Variants in STK3 observed in about 807,000 individuals in gnomAD.
The protein encoded by STK3 is serine/threonine-protein kinase 3.
STK3 carries 41 observed loss-of-function variants against 58.0 expected under a neutral mutation model. The observed-to-expected ratio is 0.71, with a 90% CI of 0.55 to 0.92. The LOEUF (loss-of-function observed/expected upper bound fraction) is 0.92. Ranked by LOEUF, STK3 falls within the 40% of genes least tolerant of loss-of-function variation. The probability of loss-of-function intolerance (pLI) is 0.00; values close to 1 mark genes in which losing one functional copy is unlikely to be tolerated. For missense variants in STK3, 479 were observed against 602.7 expected (o/e 0.79, Z 2.15); for synonymous variants, 170 against 191.0 (o/e 0.89, Z 0.91).
intron 1 of STK3, among the ~76,000 whole-genome samples, chr8:98,892,712 G>C (rs1838242004): frequency 6.6e-6 from 1 of 152,118 alleles, no homozygotes; most frequent in Non-Finnish European, 1.5e-5. Flanking sequence ...TTATCCATCT[G>C]ACTCTAATTC....
At chr8:98,564,209 C>A (rs1442542174) in intron 8 of STK3, among the ~76,000 whole-genome samples, 1 of 152,046 alleles carries the variant, frequency 6.6e-6, no homozygotes, top group East Asian at 1.9e-4. Context: ...GGACATTCTA[C>A]AAAATGTCTA....
At chr8:98,446,835 C>T (rs574124042) in intron 1 of STK3, among the ~76,000 whole-genome samples, 23 of 152,056 alleles carry the variant, frequency 1.5e-4, no homozygotes, top group Non-Finnish European at 3.4e-4. Flanking sequence ...ATGGATTCAA[C>T]CTAAATGCCC....
rs374028538 is a variant in STK3, at chr8:98,800,128, G to A, written c.27-25309C>T. ...CGTGGCAGCCATCTTGCCGCTACTC[G>A]CCTTTGGACCCTATATTTTTAACCT... On this transcript the variant is annotated intron_variant, in intron 1 of 10. Transcript: ENST00000419617. The surrounding 1 kb of genome is among the most constrained non-coding windows in gnomAD (Gnocchi z 4.8). 1.9e-3 allele frequency among the ~76,000 whole-genome samples: 293 copies of A among 152,240 alleles called. 1 individual carries two copies. The highest frequency in any genetic ancestry group is 5.3e-3 in the African/African-American group (220 of 41,536).
In STK3 at chr8:98,379,477, A is replaced by G. The variant is rs957496192; in HGVS notation, n.57-270T>C. 5.3e-5 allele frequency among the ~76,000 whole-genome samples: 8 copies of G among 152,338 alleles called. No homozygotes were observed. The South Asian group carries it at 1.5e-3, about 28-fold the overall frequency. ...AATCAGCCAAATGTTGCAGAAACCT[A>G]CACCAGGCTCACAGATTGCTCCCAC... On this transcript the variant is annotated intron_variant and non_coding_transcript_variant, in intron 1 of 2. Coordinates refer to the STK3 transcript ENST00000518704.
chr8:98,913,878 A>T (rs1294905770), intron 1 of STK3, among the ~76,000 whole-genome samples: 1 of 152,190 alleles, frequency 6.6e-6, no homozygotes, highest in African/African-American at 2.4e-5. Context: ...GAAACCCTTA[A>T]GCCTCTTTTG....
intron 10 of STK3, among the ~76,000 whole-genome samples, chr8:98,507,242 A>G (rs1824168664): frequency 6.6e-6 from 1 of 152,186 alleles, no homozygotes. Context: ...ACACAATCGT[A>G]TATTTGGTAT....
At chr8:98,509,478 G>T (rs1229739091) in intron 10 of STK3, among the ~76,000 whole-genome samples, 1 of 151,806 alleles carries the variant, frequency 6.6e-6, no homozygotes, top group African/African-American at 2.4e-5. Flanking sequence ...TTAAGAGACT[G>T]GTAAGTTTAA....
At chr8:98,499,823 C>T (rs781012750) in intron 10 of STK3, among the ~76,000 whole-genome samples, 1 of 152,104 alleles carries the variant, frequency 6.6e-6, no homozygotes, top group African/African-American at 2.4e-5. Context: ...TGGATGAGAT[C>T]TTGGACTTTT....
intron 1 of STK3, chr8:98,437,675 A>C (rs1818541565): frequency 6.6e-6 from 1 of 152,184 alleles, no homozygotes; most frequent in Non-Finnish European, 1.5e-5. Flanking sequence ...GGCATGACTC[A>C]CTTTTGATCT....
chr8:98,585,001 T>C lies in STK3; in HGVS notation c.823-5212A>G, dbSNP rs1814369195. 2.0e-5 allele frequency among the ~76,000 whole-genome samples: 3 copies of C among 150,274 alleles called. No homozygotes were observed. The South Asian group carries it at 6.3e-4, about 32-fold the overall frequency. ...TTGTAGATTCTGGATATTAGCCCTT[T>C]GTCAGATGAGTAGGTTGCGAAAATT... On this transcript the variant is annotated intron_variant, in intron 7 of 10. Coordinates refer to ENST00000419617, the MANE Select transcript of STK3 (RefSeq NM_006281.4).
chr8:98,597,614 C>G, intron 6 of STK3: 8 of 985,378 alleles, frequency 8.1e-6, no homozygotes, highest in Non-Finnish European at 9.6e-6. Flanking sequence ...AAATCAATCT[C>G]ACATTGCCAC....
chr8:98,479,881 C>T (rs951345470), intron 10 of STK3, among the ~76,000 whole-genome samples: 4 of 152,088 alleles, frequency 2.6e-5, no homozygotes, highest in African/African-American at 9.7e-5. Context: ...GAAATCTCAG[C>T]AGAGAAACTA....
intron 6 of STK3, among the ~76,000 whole-genome samples, chr8:98,705,819 T>A (rs1267195383): frequency 6.6e-6 from 1 of 152,142 alleles, no homozygotes; most frequent in Admixed American, 6.5e-5. Context: ...CTAAAAAGTA[T>A]ATCATCACAA....
intron 2 of STK3, among the ~76,000 whole-genome samples, chr8:98,434,511 A>G (rs1468184532): frequency 6.6e-6 from 1 of 152,224 alleles, no homozygotes; most frequent in African/African-American, 2.4e-5. Flanking sequence ...TGGCTGTTAC[A>G]TCCGGTCAAT....
chr8:98,932,183 G>T (rs376349844), intron 1 of STK3, among the ~76,000 whole-genome samples: 1 of 151,520 alleles, frequency 6.6e-6, no homozygotes, highest in Non-Finnish European at 1.5e-5. Context: ...CCAATGAAAG[G>T]GGAAAAAAAA....
At chr8:98,580,608 GTTAT>G (rs1813794613) in intron 7 of STK3, among the ~76,000 whole-genome samples, 1 of 152,184 alleles carries the variant, frequency 6.6e-6, no homozygotes, top group Non-Finnish European at 1.5e-5. Flanking sequence ...GAGTGAGTGA[GTTAT>G]TTGTTTATTT....
At chr8:98,627,799 C>T (rs73275890) in intron 6 of STK3, among the ~76,000 whole-genome samples, 4,061 of 152,196 alleles carry the variant, frequency 0.027, 189 homozygotes, top group African/African-American at 0.093. Flanking sequence ...TGTTTACTAC[C>T]AAAAATTTTA....
At chr8:98,559,962 GT>G (rs1811883401) in intron 8 of STK3, among the ~76,000 whole-genome samples, 1 of 152,068 alleles carries the variant, frequency 6.6e-6, no homozygotes, top group Non-Finnish European at 1.5e-5. Context: ...TTTGAGGGAA[GT>G]AAAAAGAAAA....
At chr8:98,672,909 G>C (rs1822932798) in intron 6 of STK3, among the ~76,000 whole-genome samples, 1 of 151,972 alleles carries the variant, frequency 6.6e-6, no homozygotes, top group Admixed American at 6.5e-5. Context: ...TACATACAGA[G>C]AAGCCATATA....
Sources: gnomAD v4.1 joint callset for allele counts (sites outside exome capture counted in the v4.1 genomes callset) on GRCh38, gnomAD v4.1.1 for gene constraint, Gnocchi (gnomAD v3.1) non-coding constraint, MANE v1.5 for transcripts, NCBI Gene and HGNC (gene_info 2026-07-23, HGNC 2026-07-21) for gene names.